The following DNAH10 variants were observed in gnomAD, a reference collection of about 807,000 sequenced individuals.
DNAH10 encodes the protein axonemal beta dynein heavy chain 10.
In DNAH10, 348 loss-of-function variants were observed where a neutral mutation model predicts 506.6. That is an observed-to-expected ratio of 0.69 (90% CI 0.63 to 0.75). The LOEUF is 0.75. Among genes scored for constraint, DNAH10 ranks in the 30% least tolerant of loss-of-function variants. DNAH10 has a pLI of 0.00. For synonymous variants in DNAH10, 2,059 were observed against 2,198.6 expected (o/e 0.94, Z 1.78); for missense variants, 5,179 against 5,787.1 (o/e 0.89, Z 3.41).
At chr12:123,839,686 A>T (rs1950698429) in intron 29 of DNAH10, among the ~76,000 whole-genome samples, 1 of 128,742 alleles carries the variant, frequency 7.8e-6, no homozygotes. Flanking sequence ...TTTTTGAGAC[A>T]GAGTCTCACT....
intron 4 of DNAH10, 104 bp from the exon 5 acceptor site, chr12:123,774,045 T>C: frequency 1.3e-6 from 1 of 757,936 alleles, no homozygotes; most frequent in Non-Finnish European, 2.2e-6. Context: ...GAACATTCCT[T>C]GTAGCAGCTT....
At chr12:123,770,971 A>ACTTTTT (rs1283951087) in intron 2 of DNAH10, among the ~76,000 whole-genome samples, 5 of 117,916 alleles carry the variant, frequency 4.2e-5, no homozygotes, top group Admixed American at 1.1e-4. Flanking sequence ...GCTAGCTGTA[A>ACTTTTT]TTCTTTTTTT....
rs386471627 is a variant in DNAH10, at chr12:123,806,245, A to G, written c.2987+1205A>G. On this transcript the variant is annotated intron_variant, in intron 18 of 78. Transcript: ENST00000673944. ...AAATGCAGCAAGTGTGTAGGTATCTATGATTCACATTTTAGTCTCATCTGA... is the reference window on the plus strand; with the variant it reads ...AAATGCAGCAAGTGTGTAGGTATCTGTGATTCACATTTTAGTCTCATCTGA... 4.7e-4 allele frequency among the ~76,000 whole-genome samples: 71 copies of G among 152,330 alleles called. 1 individual carries two copies. Among genetic ancestry groups the G allele is most frequent in the Non-Finnish European group, 7.6e-4 (52 of 68,024 alleles).
At chr12:123,796,174 C>T (rs1052741623) in intron 12 of DNAH10, among the ~76,000 whole-genome samples, 2 of 152,086 alleles carry the variant, frequency 1.3e-5, no homozygotes, top group Non-Finnish European at 2.9e-5. Context: ...AAGATTACTA[C>T]AGCCGGGCTC....
intron 18 of DNAH10, among the ~76,000 whole-genome samples, chr12:123,805,773 C>CTTTTTTTTT (rs779610748): frequency 1.4e-4 from 20 of 138,704 alleles, no homozygotes; most frequent in Non-Finnish European, 1.6e-4. Context: ...CTCTTCTTTT[C>CTTTTTTTTT]TTTTTTTTTT....
intron 40 of DNAH10, among the ~76,000 whole-genome samples, chr12:123,865,152 A>G (rs989995125): frequency 6.6e-6 from 1 of 152,250 alleles, no homozygotes; most frequent in African/African-American, 2.4e-5. Context: ...CTGAAGAACC[A>G]ACTAATATAC....
intron 18 of DNAH10, among the ~76,000 whole-genome samples, chr12:123,808,541 G>A (rs1958803083): frequency 6.6e-6 from 1 of 152,122 alleles, no homozygotes; most frequent in African/African-American, 2.4e-5. Context: ...AGCAGGTTTT[G>A]GAAGTCATTA....
At chr12:123,768,551 C>T (rs1957135097) in intron 2 of DNAH10, among the ~76,000 whole-genome samples, 1 of 152,236 alleles carries the variant, frequency 6.6e-6, no homozygotes, top group African/African-American at 2.4e-5. Flanking sequence ...AATGAGGTCA[C>T]AGCTTTAGGA....
At chr12:123,874,642 A>G (rs1216674985) in intron 46 of DNAH10, among the ~76,000 whole-genome samples, 2 of 129,182 alleles carry the variant, frequency 1.5e-5, no homozygotes, top group Non-Finnish European at 3.3e-5. Flanking sequence ...CATCCATTCA[A>G]TGGATGGTCC....
intron 50 of DNAH10, 92 bp from the exon 51 acceptor site, chr12:123,881,533 T>C: frequency 7.8e-7 from 1 of 1,275,226 alleles, no homozygotes; most frequent in East Asian, 2.9e-5. Flanking sequence ...TTAAGTTCTT[T>C]GTAGATTCTG....
intron 35 of DNAH10, among the ~76,000 whole-genome samples, chr12:123,852,183 CAT>C (rs1438600214): frequency 6.6e-6 from 1 of 152,202 alleles, no homozygotes; most frequent in Non-Finnish European, 1.5e-5. Flanking sequence ...TACCTGGAGA[CAT>C]GTAGTATGGA....
In DNAH10 at chr12:123,870,424, A is replaced by G; in HGVS notation, c.7578A>G (p.Pro2526=). 6.2e-7 allele frequency: 1 copy of G among 1,613,964 alleles called. No homozygotes were observed. Among genetic ancestry groups the G allele is most frequent in the Non-Finnish European group, 8.5e-7 (1 of 1,179,884 alleles). ...HFDNKRNQWV[P]WSKLVPEYIH... Reference sequence around the variant, plus strand: ...ATAACAAACGGAATCAATGGGTCCCATGGAGTAAATTAGTTCCAGAGTATA... The same window carrying G: ...ATAACAAACGGAATCAATGGGTCCCGTGGAGTAAATTAGTTCCAGAGTATA... Residue 2526 remains proline (P), a synonymous_variant, in exon 44 of 79, where the codon CCA becomes CCG. Coordinates refer to ENST00000673944, the MANE Select transcript of DNAH10 (RefSeq NM_001372106.1).
Position 123,926,801 on chromosome 12 carries a change from T to C in DNAH10, c.12086T>C (p.Met4029Thr). 6.2e-7 allele frequency: 1 copy of C among 1,613,924 alleles called. No homozygotes were observed. Among genetic ancestry groups the C allele is most frequent in the Non-Finnish European group, 8.5e-7 (1 of 1,179,888 alleles). Residue 4029 changes from methionine (M) to threonine (T), a missense_variant, in exon 69 of 79, where the codon ATG becomes ACG. By Grantham distance (81) the Met-to-Thr change is moderately conservative (BLOSUM62 -1). This residue lies in a region of DNAH10 where 4,844 missense variants were observed against 5,430.5 expected (regional missense o/e 0.89). Transcript: ENST00000673944. This position sits in a 1 kb window ranked among gnomAD's most constrained non-coding sequence, Gnocchi z 4.1. ...FGGNRLKFLA[M>T]GQGQEKVALQ... ...GGAAATCGCCTCAAATTCCTTGCAA[T>C]GGGTCAAGGTCAAGAAAAGGTAATT...
chr12:123,784,257 C>A, intron 8 of DNAH10, 80 bp downstream of exon 8: 1 of 1,441,152 alleles, frequency 6.9e-7, no homozygotes, highest in Non-Finnish European at 9.6e-7. Flanking sequence ...TAAAAATGTT[C>A]AGCATTTGGC....
chr12:123,910,203 G>A lies in DNAH10; in HGVS notation c.9998-333G>A, dbSNP rs996176223. On this transcript the variant is annotated intron_variant, in intron 58 of 78. Coordinates refer to ENST00000673944, the MANE Select transcript of DNAH10 (RefSeq NM_001372106.1). ...ATGTGAAATTACTCCTGGGGTGAGG[G>A]TGCGGGTGAAGGTAACAGGTGACCT... 2.0e-5 allele frequency among the ~76,000 whole-genome samples: 3 copies of A among 152,178 alleles called. No homozygotes were observed. In the East Asian group the frequency reaches 5.8e-4, roughly 29 times the overall value.
chr12:123,812,972 C>T (rs1416852335), intron 19 of DNAH10, among the ~76,000 whole-genome samples, 192 bp from the exon 20 acceptor site: 7 of 152,120 alleles, frequency 4.6e-5, no homozygotes, highest in African/African-American at 1.7e-4. Flanking sequence ...AGGCTTGCTC[C>T]GGAAGGGAAA....
intron 51 of DNAH10, among the ~76,000 whole-genome samples, chr12:123,884,339 A>G (rs1157440988): frequency 1.3e-5 from 2 of 152,232 alleles, no homozygotes; most frequent in Admixed American, 6.5e-5. Flanking sequence ...TTAACTCAGC[A>G]TCATTGCCAT....
intron 36 of DNAH10, 111 bp from the exon 37 acceptor site, chr12:123,856,944 TA>T (rs1951416605): frequency 1.5e-6 from 1 of 649,136 alleles, no homozygotes; most frequent in Non-Finnish European, 2.2e-6. Context: ...AATGTTTATA[TA>T]AAAATTATAT....
chr12:123,828,271 G>A (rs1335830987), intron 25 of DNAH10, among the ~76,000 whole-genome samples: 4 of 152,042 alleles, frequency 2.6e-5, no homozygotes, highest in African/African-American at 9.7e-5. Context: ...GGGAGGGACT[G>A]AGGACACAGC....
Sources: gnomAD v4.1 joint callset for allele counts (sites outside exome capture counted in the v4.1 genomes callset) on GRCh38, gnomAD v4.1.1 for gene constraint, gnomAD v4.1.1 regional missense constraint, Gnocchi (gnomAD v3.1) non-coding constraint, MANE v1.5 for transcripts, NCBI Gene and HGNC (gene_info 2026-07-23, HGNC 2026-07-21) for gene names.